TENM3: variants seen among roughly 807,000 people sequenced by gnomAD.
TENM3 encodes the protein teneurin-3.
TENM3 carries 63 observed loss-of-function variants against 255.1 expected under a neutral mutation model. That is an observed-to-expected ratio of 0.25 (90% CI 0.20 to 0.30). TENM3 has a LOEUF of 0.30. TENM3 is among the 10% of genes least tolerant of loss of function. The pLI, the probability that TENM3 is intolerant of heterozygous loss-of-function variation, is 1.00. For synonymous variants in TENM3, 1,306 were observed against 1,322.3 expected (o/e 0.99, Z 0.27); for missense variants, 2,929 against 3,461.1 (o/e 0.85, Z 3.86).
Position 182,793,590 on chromosome 4 carries a change from C to T in TENM3, c.6918C>T (p.Phe2306=). The T allele has an allele frequency of 6.2e-7, 1 of 1,613,898 alleles. No individual in the cohort carries two copies. The highest frequency in any genetic ancestry group is 8.5e-7 in the Non-Finnish European group (1 of 1,179,806). ...SDNTGTPLAV[F]SSNGLMLKQI... ...ACACAGGGACACCACTGGCTGTGTT[C>T]AGTAGCAATGGGCTTATGCTGAAAC... Residue 2306 remains phenylalanine, a synonymous_variant, in exon 26 of 28, where the codon TTC becomes TTT. Coordinates refer to ENST00000511685, the MANE Select transcript of TENM3 (RefSeq NM_001080477.4). This position sits in a 1 kb window ranked among gnomAD's most constrained non-coding sequence, Gnocchi z 5.7.
At position 182,801,074 on chromosome 4, in the gene TENM3, AATTT is replaced by A. The variant is rs748753369; in HGVS notation, c.*726_*729del. On this transcript the variant is annotated 3_prime_UTR_variant, in exon 28 of 28. Transcript: ENST00000511685. Reference sequence around the variant, plus strand: ...ATCAAATCTTAGTCTCAGAGGAGTTAATTTATGTAAAGTGTTTAAAAATTTATAC... The same window carrying A: ...ATCAAATCTTAGTCTCAGAGGAGTTAATGTAAAGTGTTTAAAAATTTATAC... 20 of 152,784 alleles carry A rather than the reference AATTT, an allele frequency of 1.3e-4. No homozygotes were observed. Among genetic ancestry groups the A allele is most frequent in the Non-Finnish European group, 2.5e-4 (17 of 68,042 alleles). The allele number at this position is 152,784 out of a possible 1,614,324, so 9.5% of individuals were successfully genotyped here. A position where few individuals can be genotyped will look rare whatever the true frequency, so the allele number is the denominator to read the frequency against.
At chr4:181,648,182 ATGGT>A in the TENM3 span, among the ~76,000 whole-genome samples, 2 of 152,100 alleles carry the variant, frequency 1.3e-5, no homozygotes, top group Non-Finnish European at 2.9e-5. Context: ...CTGTTCTGGT[ATGGT>A]AATTATTATG....
intron 3 of TENM3, among the ~76,000 whole-genome samples, chr4:182,512,578 G>A (rs1285308577): frequency 6.6e-6 from 1 of 152,144 alleles, no homozygotes; most frequent in African/African-American, 2.4e-5. Context: ...TATGACATTA[G>A]TTATTTTTGA....
the TENM3 span, among the ~76,000 whole-genome samples, chr4:181,831,527 G>T: frequency 6.8e-6 from 1 of 146,172 alleles, no homozygotes; most frequent in Non-Finnish European, 1.5e-5. Flanking sequence ...ATTTTTTAGA[G>T]TTATAAAAGA....
the TENM3 span, among the ~76,000 whole-genome samples, chr4:181,942,444 A>T: frequency 6.6e-6 from 1 of 152,056 alleles, no homozygotes; most frequent in South Asian, 2.1e-4. Context: ...TTCTAGACTG[A>T]AGAGAGGCCC....
At chr4:181,751,431 A>AAC in the TENM3 span, among the ~76,000 whole-genome samples, 5 of 151,852 alleles carry the variant, frequency 3.3e-5, no homozygotes, top group South Asian at 4.1e-4. Context: ...AAAAAAAAAA[A>AAC]AACAAGAAAC....
At chr4:182,506,211 T>C (rs1736803304) in intron 3 of TENM3, among the ~76,000 whole-genome samples, 1 of 152,238 alleles carries the variant, frequency 6.6e-6, no homozygotes, top group Non-Finnish European at 1.5e-5. Flanking sequence ...ACCATGTTTA[T>C]AATGTGTAAG....
intron 1 of TENM3, among the ~76,000 whole-genome samples, chr4:182,309,533 C>T (rs1034472167): frequency 1.6e-4 from 24 of 152,272 alleles, no homozygotes; most frequent in South Asian, 2.1e-4. Context: ...GTCCTGCCAG[C>T]GTCTGCCTAC....
chr4:181,921,234 T>C, the TENM3 span, among the ~76,000 whole-genome samples: 1 of 152,156 alleles, frequency 6.6e-6, no homozygotes, highest in African/African-American at 2.4e-5. Flanking sequence ...TTTGGTTCCA[T>C]ATGAACTTTA....
At chr4:181,521,751 C>T in the TENM3 span, among the ~76,000 whole-genome samples, 1 of 151,968 alleles carries the variant, frequency 6.6e-6, no homozygotes, top group East Asian at 1.9e-4. Flanking sequence ...TCAGTCATTA[C>T]CAAGCATGTA....
At chr4:181,960,595 T>C in the TENM3 span, among the ~76,000 whole-genome samples, 1 of 152,166 alleles carries the variant, frequency 6.6e-6, no homozygotes, top group African/African-American at 2.4e-5. Context: ...CAACTGAGCA[T>C]GGAAACTCAA....
At chr4:181,553,643 G>A in the TENM3 span, among the ~76,000 whole-genome samples, 6 of 151,784 alleles carry the variant, frequency 4.0e-5, no homozygotes, top group East Asian at 2.0e-4. Context: ...GGGTTTCACC[G>A]TGTTAGCCAG....
the TENM3 span, among the ~76,000 whole-genome samples, chr4:181,605,561 AGAAAGAAAGAGAG>A: frequency 6.7e-5 from 2 of 30,058 alleles, 1 homozygote; most frequent in African/African-American, 1.4e-4. Flanking sequence ...AAAGAAAGAA[AGAAAGAAAGAGAG>A]AGAAAGAAAG....
the TENM3 span, among the ~76,000 whole-genome samples, chr4:182,101,114 A>AGAAGGAAGGAAGGAAAGAAGGAAGGAAG: frequency 2.0e-4 from 1 of 4,884 alleles, no homozygotes; most frequent in Non-Finnish European, 6.5e-4. Context: ...GAGGAAGGAA[A>AGAAGGAAGGAAGGAAAGAAGGAAGGAAG]GAAGGAAGGA....
chr4:181,899,364 A>G, the TENM3 span, among the ~76,000 whole-genome samples: 1 of 152,158 alleles, frequency 6.6e-6, no homozygotes, highest in African/African-American at 2.4e-5. Flanking sequence ...TTATTTGCTT[A>G]TAAATTTAAA....
chr4:181,463,636 A>G, the TENM3 span, among the ~76,000 whole-genome samples: 3 of 152,202 alleles, frequency 2.0e-5, no homozygotes, highest in South Asian at 2.1e-4. Context: ...TTAGTGTACT[A>G]TCTTTATTGA....
At chr4:182,120,090 TGCGCGC>T in the TENM3 span, among the ~76,000 whole-genome samples, 1 of 141,102 alleles carries the variant, frequency 7.1e-6, no homozygotes, top group Non-Finnish European at 1.5e-5. Flanking sequence ...CATGCGTGCG[TGCGCGC>T]ACACACACAC....
chr4:182,472,477 T>C (rs1316584472), intron 3 of TENM3, among the ~76,000 whole-genome samples: 2 of 152,198 alleles, frequency 1.3e-5, no homozygotes, highest in African/African-American at 4.8e-5. Flanking sequence ...GTTTAATTCA[T>C]TGATAACAGA....
the TENM3 span, among the ~76,000 whole-genome samples, chr4:181,506,930 T>A: frequency 8.5e-5 from 13 of 152,202 alleles, no homozygotes; most frequent in South Asian, 2.7e-3. Context: ...GTAACTCTTA[T>A]TAGAATTCCT....
Sources: gnomAD v4.1 joint callset for allele counts (sites outside exome capture counted in the v4.1 genomes callset) on GRCh38, gnomAD v4.1.1 for gene constraint, Gnocchi (gnomAD v3.1) non-coding constraint, MANE v1.5 for transcripts, NCBI Gene and HGNC (gene_info 2026-07-23, HGNC 2026-07-21) for gene names.